The following STAU2 variants were observed in gnomAD, a reference collection of about 807,000 sequenced individuals.
STAU2 encodes double-stranded RNA-binding protein Staufen homolog 2.
A neutral mutation model predicts 65.9 loss-of-function variants in STAU2; 20 were observed. The ratio of observed to expected loss-of-function variants is 0.30; its 90% CI spans 0.21 to 0.44. The LOEUF is 0.44. STAU2 is among the 20% of genes least tolerant of loss of function. The pLI, the probability that STAU2 is intolerant of heterozygous loss-of-function variation, is 1.00. For synonymous variants in STAU2, 232 were observed against 233.9 expected (o/e 0.99, Z 0.07); for missense variants, 558 against 683.9 (o/e 0.82, Z 2.05).
intron 12 of STAU2, among the ~76,000 whole-genome samples, chr8:73,556,867 AT>A (rs1807818622): frequency 6.6e-6 from 1 of 152,172 alleles, no homozygotes; most frequent in Non-Finnish European, 1.5e-5. Flanking sequence ...TGAGATGAAA[AT>A]GTCAAGACTG....
intron 12 of STAU2, among the ~76,000 whole-genome samples, chr8:73,579,375 T>C (rs1378807069): frequency 6.6e-6 from 1 of 152,140 alleles, no homozygotes; most frequent in Non-Finnish European, 1.5e-5. Flanking sequence ...GTGAATACCT[T>C]TGAGCTTAGT....
chr8:73,552,114 T>C lies in STAU2; in HGVS notation c.1428A>G (p.Thr476=). 1 of 1,613,910 alleles carries C rather than the reference T, an allele frequency of 6.2e-7. No individual in the cohort carries two copies. Among genetic ancestry groups the C allele is most frequent in the Non-Finnish European group, 8.5e-7 (1 of 1,179,832 alleles). The change falls in exon 13 of 15, where the codon ACA becomes ACG. Residue 476 remains threonine (T), a synonymous_variant. Transcript: ENST00000524300. ...RELLMNGTSS[T]AEAIGLKGSS... ...TTCCTTTTAAACCTATGGCTTCAGC[T>C]GTAGAAGATGTTCCATTCATAAGGA...
chr8:73,582,851 T>C, intron 11 of STAU2, 21 bp from the exon 12 acceptor site: 9 of 1,602,730 alleles, frequency 5.6e-6, no homozygotes, highest in Non-Finnish European at 7.7e-6. Flanking sequence ...AAATCAATCG[T>C]TCAAATCCAG....
chr8:73,577,533 T>G (rs1809665239), intron 12 of STAU2, among the ~76,000 whole-genome samples: 1 of 151,982 alleles, frequency 6.6e-6, no homozygotes, highest in Non-Finnish European at 1.5e-5. Context: ...TAAATGTAAG[T>G]GTTTTAAATA....
intron 3 of STAU2, among the ~76,000 whole-genome samples, chr8:73,732,025 G>A (rs1336903374): frequency 1.3e-5 from 2 of 152,230 alleles, no homozygotes; most frequent in East Asian, 1.9e-4. Context: ...TCAGGGAACA[G>A]CTTAGATGGG....
At chr8:73,509,694 A>G (rs959012822) in intron 13 of STAU2, among the ~76,000 whole-genome samples, 3 of 152,146 alleles carry the variant, frequency 2.0e-5, no homozygotes, top group African/African-American at 4.8e-5. Context: ...CTGAAAAGAA[A>G]GGAGCCACAT....
chr8:73,720,802 G>A lies in STAU2; in HGVS notation c.-17-11640C>T, dbSNP rs550430612. Among the ~76,000 whole-genome samples, 112 of 80,468 alleles carry A rather than the reference G, an allele frequency of 1.4e-3. 26 individuals are homozygous for A. In the South Asian group the frequency reaches 0.035, roughly 25 times the overall value. 52.8% of individuals were successfully genotyped at this position (80,468 alleles called of 152,430 possible). A position where few individuals can be genotyped will look rare whatever the true frequency, so the allele number is the denominator to read the frequency against. Reference sequence around the variant, plus strand: ...GCTGGGATTACAGGCGTGAGCCACCGCGCCCGGCCTAGTTTAAAATACTTT... The same window carrying A: ...GCTGGGATTACAGGCGTGAGCCACCACGCCCGGCCTAGTTTAAAATACTTT... On this transcript the variant is annotated intron_variant, in intron 3 of 14. Coordinates refer to ENST00000524300, the MANE Select transcript of STAU2 (RefSeq NM_001164380.2).
intron 13 of STAU2, among the ~76,000 whole-genome samples, chr8:73,436,637 AGTGCAGTGGC>A (rs1452154068): frequency 6.6e-6 from 1 of 150,848 alleles, no homozygotes. Context: ...CCCAGGCTGG[AGTGCAGTGGC>A]GCGATCTCGG....
At chr8:73,612,954 C>T (rs942500043) in intron 9 of STAU2, among the ~76,000 whole-genome samples, 1 of 152,198 alleles carries the variant, frequency 6.6e-6, no homozygotes, top group Admixed American at 6.5e-5. Context: ...GTACTAAATG[C>T]TGATTCATCT....
rs535373617 is a variant in STAU2 at position 73,469,238 on chromosome 8, A to G, written c.1531-46536T>C. On this transcript the variant is annotated intron_variant, in intron 13 of 14. Coordinates refer to ENST00000524300, the MANE Select transcript of STAU2 (RefSeq NM_001164380.2). ...TCAAACACCGCATGTTCTCACTCATAGGTGGGAATTGAACAATGAGAACAC... is the reference window on the plus strand; with the variant it reads ...TCAAACACCGCATGTTCTCACTCATGGGTGGGAATTGAACAATGAGAACAC... 1.2e-3 allele frequency among the ~76,000 whole-genome samples: 185 copies of G among 152,212 alleles called. 2 individuals carry two copies. The highest frequency in any genetic ancestry group is 3.4e-3 in the Middle Eastern group (1 of 294).
chr8:73,738,468 T>C (rs778144337), intron 2 of STAU2, 119 bp from the exon 3 acceptor site: 23 of 704,990 alleles, frequency 3.3e-5, no homozygotes, highest in East Asian at 9.0e-5. Flanking sequence ...CAGATCTCCA[T>C]AGAACTTTCT....
intron 9 of STAU2, among the ~76,000 whole-genome samples, chr8:73,605,978 A>G (rs1186544312): frequency 2.0e-5 from 3 of 149,964 alleles, no homozygotes; most frequent in African/African-American, 4.9e-5. Context: ...TTTTCAGCCA[A>G]TAGTGTTGGG....
At chr8:73,438,093 T>G (rs536565654) in intron 13 of STAU2, among the ~76,000 whole-genome samples, 1 of 152,210 alleles carries the variant, frequency 6.6e-6, no homozygotes, top group Non-Finnish European at 1.5e-5. Flanking sequence ...AGGCCTCCAC[T>G]GACCACTCTG....
chr8:73,739,617 T>G (rs1322666702), intron 2 of STAU2, 139 bp downstream of exon 2: 2 of 666,976 alleles, frequency 3.0e-6, no homozygotes, highest in Non-Finnish European at 4.4e-6. Context: ...TTTCTTACAA[T>G]AGTGTCCTCA....
At chr8:73,422,775 G>GAGAAAGAA in intron 13 of STAU2, 73 bp from the exon 14 acceptor site, 1 of 1,018,308 alleles carries the variant, frequency 9.8e-7, no homozygotes, top group Non-Finnish European at 1.3e-6. Context: ...AAAGAAAGCT[G>GAGAAAGAA]AGATAGAAAG....
chr8:73,568,569 C>T (rs1225701622), intron 12 of STAU2, among the ~76,000 whole-genome samples: 5 of 150,914 alleles, frequency 3.3e-5, no homozygotes, highest in Non-Finnish European at 7.4e-5. Context: ...TGCCACTGCA[C>T]AACTGACAGA....
chr8:73,649,170 T>A (rs917487988), intron 6 of STAU2, among the ~76,000 whole-genome samples: 3 of 152,192 alleles, frequency 2.0e-5, no homozygotes, highest in African/African-American at 7.2e-5. Context: ...AATGGTGTAA[T>A]AGTTCAGAGA....
intron 11 of STAU2, among the ~76,000 whole-genome samples, chr8:73,591,326 G>A (rs994100899): frequency 5.9e-5 from 9 of 151,514 alleles, no homozygotes; most frequent in South Asian, 2.1e-4. Flanking sequence ...GAGTAAGTGC[G>A]GGGAAAAAAA....
At chr8:73,724,817 A>C (rs997470397) in intron 3 of STAU2, among the ~76,000 whole-genome samples, 4 of 151,844 alleles carry the variant, frequency 2.6e-5, no homozygotes, top group African/African-American at 7.3e-5. Flanking sequence ...CCTCCCAAGT[A>C]GCTAGGACTA....
Sources: allele counts gnomAD v4.1 joint callset (sites outside exome capture counted in the v4.1 genomes callset), GRCh38; gene constraint gnomAD v4.1.1; transcripts MANE v1.5; gene names NCBI Gene and HGNC (gene_info 2026-07-23, HGNC 2026-07-21).